DMD: variants seen among roughly 807,000 people sequenced by gnomAD.
DMD encodes the protein mutant dystrophin.
In DMD, 63 loss-of-function variants were observed where a neutral mutation model predicts 330.1. That is an observed-to-expected ratio of 0.19 (90% CI 0.16 to 0.24). The LOEUF (loss-of-function observed/expected upper bound fraction) is 0.24, where lower values mean the gene tolerates loss of function less well. DMD is among the 10% of genes least tolerant of loss of function. The pLI is 1.00. For missense variants in DMD, 3,344 were observed against 2,684.1 expected (o/e 1.25, Z -5.43); for synonymous variants, 1,223 against 959.8 (o/e 1.27, Z -5.07).
intron 2 of DMD, among the ~76,000 whole-genome samples, chrX:32,865,804 G>T (rs1047411604): frequency 8.9e-6 from 1 of 112,376 alleles, no homozygotes; most frequent in Non-Finnish European, 1.9e-5. Flanking sequence ...AAAATATTTG[G>T]CAAGGAAGCC....
At position 32,894,370 on chromosome X, in the gene DMD, G is replaced by A. The variant is rs186166711; in HGVS notation, c.94-44550C>T. ...GAATTCAGTAGTGGTGGGCTGGACAGGAGAAGTGCCTTACCTGTAGAAACG... is the reference window on the plus strand; with the variant it reads ...GAATTCAGTAGTGGTGGGCTGGACAAGAGAAGTGCCTTACCTGTAGAAACG... On this transcript the variant is annotated intron_variant, in intron 2 of 78. Transcript: ENST00000357033. Among the ~76,000 whole-genome samples the A allele has an allele frequency of 5.3e-5, 6 of 112,285 alleles. No homozygotes were observed. The East Asian group carries it at 1.7e-3, about 32-fold the overall frequency.
chrX:31,217,890 T>C (rs1402103863), intron 64 of DMD, among the ~76,000 whole-genome samples: 1 of 111,913 alleles, frequency 8.9e-6, no homozygotes, highest in African/African-American at 3.2e-5. Flanking sequence ...CTTTTTCACA[T>C]ATTAGAAAAG....
At chrX:32,839,770 G>A (rs2079994788) in intron 4 of DMD, among the ~76,000 whole-genome samples, 1 of 110,035 alleles carries the variant, frequency 9.1e-6, no homozygotes, top group Non-Finnish European at 1.9e-5. Flanking sequence ...GGAGTGCAGT[G>A]GCACGATCTC....
intron 74 of DMD, among the ~76,000 whole-genome samples, chrX:31,151,567 GT>G (rs2037421502): frequency 8.9e-6 from 1 of 112,104 alleles, no homozygotes; most frequent in African/African-American, 3.2e-5. Flanking sequence ...AAGGACCCTT[GT>G]TCAAGAGGCA....
In DMD at chrX:33,245,685, T is replaced by C. The variant is rs767445660; in HGVS notation, c.7+93574A>G. On this transcript the variant is annotated intron_variant, in intron 1 of 17. Coordinates refer to the DMD transcript ENST00000288447. ...TTTAAATGAATGCAGTGGCTACTTC[T>C]AAATAGTCAGTAGACTCTACTTTGT... 2.6e-3 allele frequency among the ~76,000 whole-genome samples: 297 copies of C among 112,338 alleles called. 2 individuals are homozygous for C. Among genetic ancestry groups the C allele is most frequent in the Non-Finnish European group, 3.3e-3 (173 of 53,230 alleles).
At chrX:32,528,648 A>T (rs1325979735) in intron 17 of DMD, among the ~76,000 whole-genome samples, 1 of 111,468 alleles carries the variant, frequency 9.0e-6, no homozygotes, top group Non-Finnish European at 1.9e-5. Flanking sequence ...ACTTACATCA[A>T]CACAGACTTT....
intron 47 of DMD, among the ~76,000 whole-genome samples, chrX:31,912,326 C>T (rs913809507): frequency 2.7e-5 from 3 of 111,420 alleles, no homozygotes; most frequent in Non-Finnish European, 5.6e-5. Flanking sequence ...GCACAACCAA[C>T]GCTTCACAAG....
chrX:31,558,148 C>G (rs1290640284), intron 55 of DMD, among the ~76,000 whole-genome samples: 1 of 112,094 alleles, frequency 8.9e-6, no homozygotes, highest in Non-Finnish European at 1.9e-5. Context: ...ATGAAGAGCT[C>G]TGAAGAGTGC....
chrX:32,590,216 A>G (rs2149238033), intron 13 of DMD, among the ~76,000 whole-genome samples: 1 of 112,421 alleles, frequency 8.9e-6, no homozygotes, highest in African/African-American at 3.2e-5. Context: ...ATCTGCAAAA[A>G]TTATTCCTTC....
chrX:32,724,156 A>T (rs926080003), intron 7 of DMD, among the ~76,000 whole-genome samples: 2 of 112,414 alleles, frequency 1.8e-5, no homozygotes, highest in African/African-American at 6.4e-5. Context: ...CCTTTCAAAA[A>T]ATTGGTCCAA....
chrX:32,512,586 C>A (rs1015764924), intron 18 of DMD, among the ~76,000 whole-genome samples: 1 of 112,142 alleles, frequency 8.9e-6, no homozygotes, highest in African/African-American at 3.2e-5. Context: ...TAGAAACCAA[C>A]AATGGAATTG....
At chrX:32,348,322 AT>A in intron 38 of DMD, 83 bp downstream of exon 38, 1 of 980,415 alleles carries the variant, frequency 1.0e-6, no homozygotes, top group Non-Finnish European at 1.4e-6. Context: ...TGCTCTGAAA[AT>A]TCAGTTGGAG....
intron 43 of DMD, among the ~76,000 whole-genome samples, chrX:32,262,386 C>A (rs1269103200): frequency 1.8e-5 from 2 of 111,289 alleles, no homozygotes; most frequent in Admixed American, 9.6e-5. Flanking sequence ...CGAAAACAGA[C>A]TTGTGAGGAT....
chrX:31,303,300 G>A (rs886745802), intron 62 of DMD, among the ~76,000 whole-genome samples: 2 of 111,019 alleles, frequency 1.8e-5, no homozygotes, highest in South Asian at 3.8e-4. Context: ...ACCCAGATGC[G>A]CCTCCTTCTT....
intron 2 of DMD, among the ~76,000 whole-genome samples, chrX:32,863,333 G>A (rs1223748143): frequency 2.8e-5 from 3 of 108,440 alleles, no homozygotes; most frequent in African/African-American, 1.0e-4. Flanking sequence ...CCTGGCCAAC[G>A]TGGCGAAACT....
intron 74 of DMD, among the ~76,000 whole-genome samples, chrX:31,149,295 A>C: frequency 8.9e-6 from 1 of 111,935 alleles, no homozygotes; most frequent in Non-Finnish European, 1.9e-5. Flanking sequence ...TGTGCTTCTG[A>C]GCTCTGTATT....
chrX:32,481,580 T>C, intron 21 of DMD, among the ~76,000 whole-genome samples: 1 of 111,547 alleles, frequency 9.0e-6, no homozygotes, highest in Non-Finnish European at 1.9e-5. Context: ...GCCTCCCTTA[T>C]GTCTTCTGGA....
chrX:31,737,200 C>G (rs2086938548), intron 51 of DMD, among the ~76,000 whole-genome samples: 1 of 111,562 alleles, frequency 9.0e-6, no homozygotes, highest in African/African-American at 3.3e-5. Context: ...AAAGCCCACA[C>G]ACTTAAGAAC....
upstream of DMD, among the ~76,000 whole-genome samples, chrX:33,215,085 A>G (rs1194203264): frequency 9.0e-6 from 1 of 111,711 alleles, no homozygotes; most frequent in Non-Finnish European, 1.9e-5. Context: ...CTGTAATTCT[A>G]TTACTTTGAG....
Sources: gnomAD v4.1 joint callset for allele counts (sites outside exome capture counted in the v4.1 genomes callset) on GRCh38, gnomAD v4.1.1 for gene constraint, MANE v1.5 for transcripts, NCBI Gene and HGNC (gene_info 2026-07-23, HGNC 2026-07-21) for gene names.